LIPA: variants seen among roughly 807,000 people sequenced by gnomAD.
LIPA encodes lysosomal acid lipase/cholesteryl ester hydrolase.
A neutral mutation model predicts 40.6 loss-of-function variants in LIPA; 26 were observed. That is an observed-to-expected ratio of 0.64 (90% confidence interval 0.47 to 0.89). The LOEUF (loss-of-function observed/expected upper bound fraction) is 0.89. Among genes scored for constraint, LIPA ranks in the 40% least tolerant of loss-of-function variants. LIPA has a pLI of 0.00. For synonymous variants in LIPA, 188 were observed against 168.4 expected, an observed-to-expected ratio of 1.12 and a Z score of -0.90; for missense variants, 455 against 479.6, an observed-to-expected ratio of 0.95 and a Z score of 0.48.
chr10:89,356,419 C>A (rs985807282), intron 2 of LIPA, among the ~76,000 whole-genome samples: 1 of 152,194 alleles, frequency 6.6e-6, no homozygotes, highest in African/African-American at 2.4e-5. Context: ...GAGCAGCAGG[C>A]GAGCAATCAA....
intron 2 of LIPA, among the ~76,000 whole-genome samples, chr10:89,247,311 G>T (rs370130610): frequency 6.9e-6 from 1 of 145,258 alleles, no homozygotes; most frequent in East Asian, 2.1e-4. Flanking sequence ...GGCGGAGGTC[G>T]CAATGAGCCG....
At chr10:89,344,915 T>C (rs1843905510), upstream of LIPA, among the ~76,000 whole-genome samples, 1 of 152,160 alleles carries the variant, frequency 6.6e-6, no homozygotes, top group African/African-American at 2.4e-5. Context: ...AGAATGTATT[T>C]AGTACACTTT....
chr10:89,339,988 C>G, intron 1 of LIPA: 9 of 1,614,228 alleles, frequency 5.6e-6, no homozygotes, highest in Non-Finnish European at 7.6e-6. Context: ...ACTGGGCCGC[C>G]TGCTAAGGGA....
chr10:89,382,439 G>C (rs1220963858), intron 2 of LIPA, among the ~76,000 whole-genome samples: 1 of 152,172 alleles, frequency 6.6e-6, no homozygotes, highest in East Asian at 1.9e-4. Flanking sequence ...CACTTCAGAG[G>C]AGCGTGAACT....
exon 1 of LIPA, chr10:89,414,490 G>A (rs1292403936): frequency 5.4e-6 from 2 of 368,500 alleles, no homozygotes; most frequent in South Asian, 1.5e-4. Flanking sequence ...CTCCGCAAAC[G>A]TCTGGCCGCG....
chr10:89,392,611 G>T, intron 2 of LIPA: 2 of 1,279,222 alleles, frequency 1.6e-6, no homozygotes, highest in Non-Finnish European at 2.3e-6. Context: ...CACTGTCTTG[G>T]GGTTTAAACG....
intron 1 of LIPA, among the ~76,000 whole-genome samples, chr10:89,311,078 A>G (rs1843512786): frequency 6.6e-6 from 1 of 152,234 alleles, no homozygotes; most frequent in South Asian, 2.1e-4. Context: ...AGAATCCTGG[A>G]TATCCCAAGT....
At chr10:89,357,520 G>C (rs1055059184) in intron 2 of LIPA, among the ~76,000 whole-genome samples, 1 of 152,204 alleles carries the variant, frequency 6.6e-6, no homozygotes, top group Non-Finnish European at 1.5e-5. Context: ...TTCTTACTAA[G>C]TTAACAGACA....
chr10:89,392,785 T>A (rs1589632048), intron 2 of LIPA: 1 of 1,516,178 alleles, frequency 6.6e-7, no homozygotes. Flanking sequence ...TAAATACTAT[T>A]TCAACAGGTT....
chr10:89,225,236 A>T lies in LIPA; in HGVS notation c.539-8T>A. 6.2e-7 allele frequency: 1 copy of T among 1,614,132 alleles called. No homozygotes were observed. ...GTGAAAATGCTATAAAACCTGTGAG[A>T]ACAAAGGACAGAAAACAGGAATTCC... is the stretch of plus-strand genomic sequence containing the variant. On this transcript the variant is annotated splice_polypyrimidine_tract_variant and splice_region_variant and intron_variant, in intron 5 of 9. Coordinates refer to ENST00000336233, the MANE Select transcript of LIPA (RefSeq NM_000235.4).
At chr10:89,378,036 A>G in intron 2 of LIPA, 2 of 1,273,468 alleles carry the variant, frequency 1.6e-6, no homozygotes, top group East Asian at 2.3e-5. Flanking sequence ...TATAAGCACC[A>G]TGCTTATCTG....
chr10:89,222,329 G>C (rs768376463), intron 8 of LIPA, among the ~76,000 whole-genome samples, 182 bp downstream of exon 8: 1 of 152,176 alleles, frequency 6.6e-6, no homozygotes, highest in Non-Finnish European at 1.5e-5. Context: ...GTATAACACA[G>C]TGTGCCCCAC....
intron 1 of LIPA, among the ~76,000 whole-genome samples, chr10:89,275,145 A>G (rs953950530): frequency 6.6e-6 from 1 of 152,138 alleles, no homozygotes; most frequent in Non-Finnish European, 1.5e-5. Flanking sequence ...ACATTTTTGC[A>G]TGTGATTTAG....
At chr10:89,341,179 G>A (rs949386846) in intron 1 of LIPA, among the ~76,000 whole-genome samples, 5 of 152,144 alleles carry the variant, frequency 3.3e-5, no homozygotes, top group African/African-American at 7.2e-5. Context: ...TCCAGCCTAG[G>A]AGCCCCAACT....
chr10:89,239,158 C>T (rs1842938348), intron 3 of LIPA, among the ~76,000 whole-genome samples: 1 of 152,198 alleles, frequency 6.6e-6, no homozygotes. Flanking sequence ...GTAGTAGGCA[C>T]AAGCAGGACA....
intron 8 of LIPA, among the ~76,000 whole-genome samples, chr10:89,222,042 AG>A (rs1842705683): frequency 6.6e-6 from 1 of 152,232 alleles, no homozygotes; most frequent in Non-Finnish European, 1.5e-5. Flanking sequence ...GTTTAGCTCC[AG>A]TTTATTCACT....
intron 3 of LIPA, 107 bp downstream of exon 3, chr10:89,245,569 C>A: frequency 1.3e-6 from 1 of 763,676 alleles, no homozygotes; most frequent in Middle Eastern, 3.6e-4. Flanking sequence ...TTAGTGCTTT[C>A]GTCTAAAAAT....
intron 5 of LIPA, 79 bp from the exon 6 acceptor site, chr10:89,225,307 C>T (rs558298682): frequency 4.5e-6 from 7 of 1,565,132 alleles, no homozygotes; most frequent in African/African-American, 1.4e-5. Flanking sequence ...CCGTCACTCG[C>T]GACGCCCTCT....
chr10:89,351,975 T>C (rs1843961678), intron 2 of LIPA, among the ~76,000 whole-genome samples: 1 of 152,156 alleles, frequency 6.6e-6, no homozygotes, highest in African/African-American at 2.4e-5. Context: ...ATACCCCCTC[T>C]TGGCCACGGG....
Sources: allele counts gnomAD v4.1 joint callset (sites outside exome capture counted in the v4.1 genomes callset), GRCh38; gene constraint gnomAD v4.1.1; transcripts MANE v1.5; gene names NCBI Gene and HGNC (gene_info 2026-07-23, HGNC 2026-07-21).